Variants in LHFPL6 observed in about 807,000 individuals in gnomAD.
The protein encoded by LHFPL6 is LHFPL tetraspan subfamily member 6.
Under a neutral mutation model 20.6 loss-of-function variants are expected in LHFPL6, and 9 were observed. That is an observed-to-expected ratio of 0.44 (90% CI 0.26 to 0.76). The LOEUF is 0.76. LHFPL6 is among the 30% of genes least tolerant of loss of function. The pLI, the probability that LHFPL6 is intolerant of heterozygous loss-of-function variation, is 0.20. For missense variants in LHFPL6, 218 were observed against 253.5 expected (o/e 0.86, Z 0.95); for synonymous variants, 105 against 98.7 (o/e 1.06, Z -0.38).
intron 3 of LHFPL6, among the ~76,000 whole-genome samples, chr13:39,344,674 T>A (rs1869341761): frequency 6.6e-6 from 1 of 152,102 alleles, no homozygotes; most frequent in Non-Finnish European, 1.5e-5. Flanking sequence ...TTTCTCAGAG[T>A]TGGATTAGTC....
At chr13:39,569,156 C>CGGACGGATGGATGGAT (rs754156552) in intron 2 of LHFPL6, among the ~76,000 whole-genome samples, 7 of 97,356 alleles carry the variant, frequency 7.2e-5, no homozygotes, top group African/African-American at 2.8e-4. Context: ...GATGGACGGA[C>CGGACGGATGGATGGAT]GGATGGATGG....
Position 39,343,921 on chromosome 13 carries a change from C to T in LHFPL6, c.*15G>A, listed in dbSNP as rs376724426. 11 of 1,606,696 alleles carry T rather than the reference C, an allele frequency of 6.8e-6. No individual in the cohort carries two copies. Among genetic ancestry groups the T allele is most frequent in the Non-Finnish European group, 8.5e-6 (10 of 1,174,118 alleles). On this transcript the variant is annotated 3_prime_UTR_variant, in exon 4 of 4. Transcript: ENST00000379589. Reference sequence around the variant, plus strand: ...TGGCCCATCTTCTCCTCTGTCTGCTCTTGGTAGCTCCATCTCAGTATGGGT... The same window carrying T: ...TGGCCCATCTTCTCCTCTGTCTGCTTTTGGTAGCTCCATCTCAGTATGGGT...
chr13:39,592,384 A>C (rs766993979), intron 2 of LHFPL6, among the ~76,000 whole-genome samples: 9 of 152,214 alleles, frequency 5.9e-5, no homozygotes, highest in Non-Finnish European at 1.2e-4. Flanking sequence ...GAAATGGATA[A>C]ATTCCTCAAC....
At chr13:39,577,999 T>C (rs1466197575) in intron 2 of LHFPL6, among the ~76,000 whole-genome samples, 1 of 152,102 alleles carries the variant, frequency 6.6e-6, no homozygotes, top group Non-Finnish European at 1.5e-5. Flanking sequence ...AAAATAGAAA[T>C]GTCTGGTAGC....
At chr13:39,429,780 T>C (rs1350916313) in intron 2 of LHFPL6, among the ~76,000 whole-genome samples, 1 of 152,206 alleles carries the variant, frequency 6.6e-6, no homozygotes, top group Non-Finnish European at 1.5e-5. Flanking sequence ...TACTATTCTA[T>C]TGAAACAAGT....
chr13:39,431,729 G>GT (rs1246571484), intron 2 of LHFPL6, among the ~76,000 whole-genome samples: 2 of 128,370 alleles, frequency 1.6e-5, no homozygotes, highest in African/African-American at 2.9e-5. Flanking sequence ...GGGGGGGGGG[G>GT]CTTCCTCTCA....
intron 2 of LHFPL6, among the ~76,000 whole-genome samples, chr13:39,420,970 C>G (rs151051836): frequency 2.4e-4 from 36 of 152,242 alleles, no homozygotes; most frequent in African/African-American, 7.5e-4. Flanking sequence ...TTTTCCCCCC[C>G]CTCAAAACTA....
intron 2 of LHFPL6, among the ~76,000 whole-genome samples, chr13:39,542,783 G>C (rs528157272): frequency 2.5e-4 from 38 of 152,310 alleles, no homozygotes; most frequent in African/African-American, 8.7e-4. Flanking sequence ...TGTCGAGCCC[G>C]TTATGTGCTA....
chr13:39,578,630 C>A (rs763960354), intron 2 of LHFPL6, among the ~76,000 whole-genome samples: 2 of 152,190 alleles, frequency 1.3e-5, no homozygotes, highest in African/African-American at 4.8e-5. Flanking sequence ...CTCAGGTAAA[C>A]ACCTGAATTC....
At position 39,562,679 on chromosome 13, in the gene LHFPL6, TAC is replaced by T. The variant is rs1555268309; in HGVS notation, c.385+38151_385+38152del. On this transcript the variant is annotated intron_variant, in intron 2 of 3. Transcript: ENST00000379589. The stretch of plus-strand genomic sequence containing the variant: ...ATATACACATATATACACACATATA[TAC>T]ACACACACACACACATATATATATA... Among the ~76,000 whole-genome samples, 320 of 78,116 alleles carry T rather than the reference TAC, an allele frequency of 4.1e-3. 2 individuals are homozygous for T. The highest frequency in any genetic ancestry group is 8.3e-3 in the African/African-American group (241 of 29,154). 51.2% of individuals were successfully genotyped at this position (78,116 alleles called of 152,430 possible).
chr13:39,562,423 C>CATATATACATATATATA (rs1470194538), intron 2 of LHFPL6, among the ~76,000 whole-genome samples: 1 of 48,438 alleles, frequency 2.1e-5, no homozygotes, highest in Non-Finnish European at 5.5e-5. Flanking sequence ...TACACATATA[C>CATATATACATATATATA]ATATATACAT....
At chr13:39,492,429 A>G (rs1400841867) in intron 2 of LHFPL6, among the ~76,000 whole-genome samples, 1 of 152,198 alleles carries the variant, frequency 6.6e-6, no homozygotes, top group Admixed American at 6.5e-5. Context: ...TTATAGTTAA[A>G]TGCTTTTAGA....
At chr13:39,384,573 T>C (rs549948195) in intron 2 of LHFPL6, among the ~76,000 whole-genome samples, 50 of 152,206 alleles carry the variant, frequency 3.3e-4, no homozygotes, top group Non-Finnish European at 6.8e-4. Context: ...TAGAAATCCC[T>C]GAATTAGATA....
intron 2 of LHFPL6, among the ~76,000 whole-genome samples, chr13:39,578,001 T>A (rs548091171): frequency 6.6e-6 from 1 of 152,274 alleles, no homozygotes; most frequent in South Asian, 2.1e-4. Context: ...AATAGAAATG[T>A]CTGGTAGCAC....
At chr13:39,362,710 G>A (rs1472328418) in intron 3 of LHFPL6, among the ~76,000 whole-genome samples, 3 of 152,204 alleles carry the variant, frequency 2.0e-5, no homozygotes, top group Non-Finnish European at 4.4e-5. Context: ...AGCTCAGTTG[G>A]TTCCTGCCCT....
intron 2 of LHFPL6, among the ~76,000 whole-genome samples, chr13:39,489,619 A>T (rs1347185292): frequency 6.6e-6 from 1 of 151,016 alleles, no homozygotes; most frequent in East Asian, 2.0e-4. Context: ...CAGGGGCATG[A>T]TCTCGGCTCA....
At chr13:39,513,219 G>A (rs1349056852) in intron 2 of LHFPL6, among the ~76,000 whole-genome samples, 1 of 152,200 alleles carries the variant, frequency 6.6e-6, no homozygotes, top group Non-Finnish European at 1.5e-5. Context: ...TGTTTTAGTT[G>A]TTCTTTTAAA....
intron 2 of LHFPL6, among the ~76,000 whole-genome samples, chr13:39,380,323 T>G (rs2138361368): frequency 6.6e-6 from 1 of 152,170 alleles, no homozygotes; most frequent in African/African-American, 2.4e-5. Flanking sequence ...ATAGTAACAT[T>G]TAAGCCAGGG....
intron 1 of LHFPL6, among the ~76,000 whole-genome samples, chr13:39,601,845 G>A (rs1351368994): frequency 6.6e-6 from 1 of 152,130 alleles, no homozygotes; most frequent in Admixed American, 6.5e-5. Context: ...CTCTGCATGA[G>A]CCAAACAAAC....
Sources: allele counts gnomAD v4.1 joint callset (sites outside exome capture counted in the v4.1 genomes callset), GRCh38; gene constraint gnomAD v4.1.1; transcripts MANE v1.5; gene names NCBI Gene and HGNC (gene_info 2026-07-23, HGNC 2026-07-21).